Variants in GALNT10 observed in about 807,000 individuals in gnomAD.
GALNT10 encodes polypeptide N-acetylgalactosaminyltransferase 10, also known as GalNAc transferase 10.
Under a neutral mutation model 75.0 loss-of-function variants are expected in GALNT10, and 41 were observed. The ratio of observed to expected loss-of-function variants is 0.55; its 90% CI spans 0.43 to 0.71. The LOEUF (loss-of-function observed/expected upper bound fraction) is 0.71. Among genes scored for constraint, GALNT10 ranks in the 30% least tolerant of loss-of-function variants. The pLI, the probability that GALNT10 is intolerant of heterozygous loss-of-function variation, is 0.00. For synonymous variants in GALNT10, 302 were observed against 313.0 expected, an observed-to-expected ratio of 0.96 and a Z score of 0.37; for missense variants, 727 against 818.5, an observed-to-expected ratio of 0.89 and a Z score of 1.36.
intron 4 of GALNT10, among the ~76,000 whole-genome samples, chr5:154,347,448 C>T (rs900948428): frequency 3.3e-5 from 5 of 151,778 alleles, no homozygotes; most frequent in African/African-American, 1.2e-4. Flanking sequence ...ACTGCAGCCT[C>T]AAACTCCTGG....
intron 1 of GALNT10, among the ~76,000 whole-genome samples, chr5:154,228,741 C>T (rs778391581): frequency 6.6e-6 from 1 of 152,194 alleles, no homozygotes; most frequent in African/African-American, 2.4e-5. Context: ...TCCCACCTTG[C>T]GTGGACTCTG....
chr5:154,252,331 T>G (rs1181230919), intron 1 of GALNT10, among the ~76,000 whole-genome samples: 1 of 152,152 alleles, frequency 6.6e-6, no homozygotes, highest in Non-Finnish European at 1.5e-5. Context: ...TTTGCTTGCC[T>G]GAAGCTCTAC....
intron 1 of GALNT10, among the ~76,000 whole-genome samples, chr5:154,233,187 T>C (rs78285268): frequency 0.014 from 2,176 of 152,278 alleles, 44 homozygotes; most frequent in African/African-American, 0.049. Context: ...GGAAAGAGAA[T>C]GTCTTGACTC....
chr5:154,293,614 T>TATATATATATATA (rs60780135), intron 1 of GALNT10, among the ~76,000 whole-genome samples: 1 of 106,458 alleles, frequency 9.4e-6, no homozygotes, highest in African/African-American at 4.1e-5. Flanking sequence ...TATATATATA[T>TATATATATATATA]TTTTTTTTTC....
At chr5:154,320,266 T>A (rs1754653184) in intron 3 of GALNT10, among the ~76,000 whole-genome samples, 1 of 152,242 alleles carries the variant, frequency 6.6e-6, no homozygotes, top group Non-Finnish European at 1.5e-5. Flanking sequence ...TTCTGAATAA[T>A]CTTTAATTCC....
intron 1 of GALNT10, among the ~76,000 whole-genome samples, chr5:154,206,545 A>G (rs1445867154): frequency 6.6e-6 from 1 of 152,200 alleles, no homozygotes; most frequent in African/African-American, 2.4e-5. Context: ...AGCCAAGAGG[A>G]AGGGAGCAGC....
chr5:154,233,776 C>T (rs925701641), intron 1 of GALNT10, among the ~76,000 whole-genome samples: 2 of 152,208 alleles, frequency 1.3e-5, no homozygotes, highest in African/African-American at 2.4e-5. Context: ...TTCATAGCAC[C>T]TACAGTCTTG....
At chr5:154,337,538 G>A in intron 4 of GALNT10, 1 of 748,114 alleles carries the variant, frequency 1.3e-6, no homozygotes, top group East Asian at 2.5e-5. Flanking sequence ...TTCATGGTTT[G>A]GCGAAGTATT....
At chr5:154,286,206 G>A (rs76694263) in intron 1 of GALNT10, among the ~76,000 whole-genome samples, 2,546 of 152,250 alleles carry the variant, frequency 0.017, 165 homozygotes, top group East Asian at 0.16. Flanking sequence ...TATGAGAGTA[G>A]GACCCCGTCC....
chr5:154,329,803 G>A (rs555352475), intron 4 of GALNT10, 65 bp downstream of exon 4: 3 of 1,209,214 alleles, frequency 2.5e-6, no homozygotes, highest in South Asian at 2.6e-5. Context: ...CAAAGGGATG[G>A]CAGGTTTTCC....
intron 3 of GALNT10, among the ~76,000 whole-genome samples, chr5:154,318,796 A>G (rs1206426819): frequency 6.6e-6 from 1 of 152,044 alleles, no homozygotes; most frequent in Non-Finnish European, 1.5e-5. Flanking sequence ...TCTTTTCACT[A>G]TTTCAATGTG....
In GALNT10 at chr5:154,233,984, C is replaced by T. The variant is rs532488036; in HGVS notation, c.159+42959C>T. On this transcript the variant is annotated intron_variant, in intron 1 of 11. Coordinates refer to ENST00000297107, the MANE Select transcript of GALNT10 (RefSeq NM_198321.4). The stretch of plus-strand genomic sequence containing the variant: ...TTCAGAGTCCCTTCCTTCCAAGGCT[C>T]TGGGAGGGGCCCTAGCAATGTGTTT... Among the ~76,000 whole-genome samples, 11 of 152,256 alleles carry T rather than the reference C, an allele frequency of 7.2e-5. No individual in the cohort carries two copies. The South Asian group carries it at 1.5e-3, about 20-fold the overall frequency.
intron 1 of GALNT10, among the ~76,000 whole-genome samples, chr5:154,221,323 G>A (rs761326298): frequency 2.6e-5 from 4 of 152,202 alleles, no homozygotes; most frequent in African/African-American, 9.6e-5. Context: ...GCACTGGGAA[G>A]GCCCCATCCT....
At chr5:154,223,067 A>G (rs1753007850) in intron 1 of GALNT10, among the ~76,000 whole-genome samples, 1 of 152,176 alleles carries the variant, frequency 6.6e-6, no homozygotes, top group South Asian at 2.1e-4. Context: ...CTGAGTTTGG[A>G]TATTATTTTG....
At chr5:154,247,266 TG>T (rs1753442035) in intron 1 of GALNT10, among the ~76,000 whole-genome samples, 1 of 152,228 alleles carries the variant, frequency 6.6e-6, no homozygotes, top group Non-Finnish European at 1.5e-5. Context: ...TTTGTTCTTT[TG>T]GCTTAGGATT....
intron 1 of GALNT10, among the ~76,000 whole-genome samples, chr5:154,246,856 T>A (rs1481598976): frequency 1.3e-5 from 2 of 152,250 alleles, no homozygotes; most frequent in East Asian, 3.8e-4. Context: ...GCCATTGCTT[T>A]TGGTGTTTTA....
chr5:154,394,249 G>A (rs1755968055), intron 7 of GALNT10, among the ~76,000 whole-genome samples: 1 of 151,778 alleles, frequency 6.6e-6, no homozygotes, highest in Admixed American at 6.6e-5. Context: ...AGGAGACTGG[G>A]GTTCGCTTTG....
intron 1 of GALNT10, among the ~76,000 whole-genome samples, chr5:154,227,761 T>A (rs1157111340): frequency 6.6e-6 from 1 of 152,142 alleles, no homozygotes; most frequent in Admixed American, 6.5e-5. Context: ...TTTTTTTCCC[T>A]TATGTTTTCT....
intron 1 of GALNT10, among the ~76,000 whole-genome samples, chr5:154,226,654 T>G (rs891420963): frequency 6.6e-6 from 1 of 152,234 alleles, no homozygotes; most frequent in African/African-American, 2.4e-5. Context: ...ATAATGTAGA[T>G]TTTTAAAAAT....
Sources: allele counts gnomAD v4.1 joint callset (sites outside exome capture counted in the v4.1 genomes callset), GRCh38; gene constraint gnomAD v4.1.1; transcripts MANE v1.5; gene names NCBI Gene and HGNC (gene_info 2026-07-23, HGNC 2026-07-21).